MYO5B: variants seen among roughly 807,000 people sequenced by gnomAD.
MYO5B encodes the protein myosin VB, also known as unconventional myosin-Vb.
Under a neutral mutation model 229.3 loss-of-function variants are expected in MYO5B, and 143 were observed. The ratio of observed to expected loss-of-function variants is 0.62; its 90% CI spans 0.54 to 0.72. MYO5B has a LOEUF of 0.72. Ranked by LOEUF, MYO5B falls within the 30% of genes least tolerant of loss-of-function variation. The pLI, the probability that MYO5B is intolerant of heterozygous loss-of-function variation, is 0.00. For missense variants in MYO5B, 2,321 were observed against 2,331.0 expected, an observed-to-expected ratio of 1.00 and a Z score of 0.09; for synonymous variants, 918 against 885.2, an observed-to-expected ratio of 1.04 and a Z score of -0.66.
At chr18:50,115,479 T>C (rs2031941867) in intron 1 of MYO5B, among the ~76,000 whole-genome samples, 1 of 152,010 alleles carries the variant, frequency 6.6e-6, no homozygotes, top group African/African-American at 2.4e-5. Context: ...GGCCAGGTCT[T>C]GTGCTAGGCT....
In MYO5B at chr18:49,953,375, T is replaced by C. The variant is rs374486131; in HGVS notation, c.1669-32A>G. On this transcript the variant is annotated intron_variant, in intron 13 of 39. Coordinates refer to ENST00000285039, the MANE Select transcript of MYO5B (RefSeq NM_001080467.3). ...CCACAGCAACCAGAGAGAGACACAG[T>C]CGTTAGTGCTTCAGCAGTTTCTCAA... 2,937 of 1,587,986 alleles carry C rather than the reference T, an allele frequency of 1.8e-3. 3 individuals carry two copies. Among genetic ancestry groups the C allele is most frequent in the Non-Finnish European group, 2.4e-3 (2,728 of 1,156,168 alleles).
chr18:50,104,079 T>G (rs970399741), intron 1 of MYO5B, among the ~76,000 whole-genome samples: 16 of 146,640 alleles, frequency 1.1e-4, no homozygotes, highest in African/African-American at 3.8e-4. Context: ...CAGGTGGATC[T>G]CTTGAGCCCA....
intron 6 of MYO5B, among the ~76,000 whole-genome samples, chr18:49,991,325 T>C (rs950184338): frequency 6.6e-6 from 1 of 151,834 alleles, no homozygotes; most frequent in African/African-American, 2.4e-5. Context: ...AATTCTGAGG[T>C]CTCCTTAAAG....
At chr18:49,894,755 C>T (rs891740916) in intron 22 of MYO5B, among the ~76,000 whole-genome samples, 186 bp downstream of exon 22, 2 of 152,244 alleles carry the variant, frequency 1.3e-5, no homozygotes, top group African/African-American at 4.8e-5. Context: ...GAAGCGCAGT[C>T]ATGCTTGTGT....
intron 30 of MYO5B, 45 bp from the exon 31 acceptor site, chr18:49,853,692 C>T (rs745462446): frequency 2.2e-5 from 35 of 1,579,106 alleles, no homozygotes; most frequent in Middle Eastern, 4.1e-4. Flanking sequence ...CAGGCCAGGG[C>T]CCCCATCTGA....
chr18:49,827,186 G>A (rs569519007), intron 39 of MYO5B, among the ~76,000 whole-genome samples: 5 of 152,356 alleles, frequency 3.3e-5, no homozygotes, highest in Admixed American at 6.5e-5. Flanking sequence ...TATAACAATC[G>A]GGAGACTGAT....
intron 1 of MYO5B, among the ~76,000 whole-genome samples, chr18:50,156,616 G>C (rs540504528): frequency 8.5e-5 from 13 of 152,116 alleles, no homozygotes; most frequent in Admixed American, 2.0e-4. Context: ...ACCCAGTCTC[G>C]GGAATGTCTT....
intron 1 of MYO5B, among the ~76,000 whole-genome samples, chr18:50,131,611 T>C (rs1475911122): frequency 6.6e-6 from 1 of 152,214 alleles, no homozygotes; most frequent in Non-Finnish European, 1.5e-5. Flanking sequence ...ATAAGTATTA[T>C]TATTCTTTGA....
At chr18:50,074,021 T>G (rs553326112) in intron 1 of MYO5B, among the ~76,000 whole-genome samples, 2 of 152,060 alleles carry the variant, frequency 1.3e-5, no homozygotes, top group South Asian at 2.1e-4. Context: ...CCACAAACCA[T>G]GTGTATTAGT....
chr18:49,891,670 T>C (rs1163101264), intron 22 of MYO5B, among the ~76,000 whole-genome samples: 1 of 151,958 alleles, frequency 6.6e-6, no homozygotes, highest in Non-Finnish European at 1.5e-5. Flanking sequence ...CACAACCCCC[T>C]CTTGGCTGGT....
intron 4 of MYO5B, among the ~76,000 whole-genome samples, chr18:50,010,926 C>T (rs2026154369): frequency 6.6e-6 from 1 of 152,232 alleles, no homozygotes; most frequent in Non-Finnish European, 1.5e-5. Context: ...GTGAGTCCCT[C>T]ATTCCAAAAC....
intron 4 of MYO5B, among the ~76,000 whole-genome samples, chr18:50,026,981 C>A (rs1320281311): frequency 1.3e-5 from 2 of 152,176 alleles, no homozygotes; most frequent in African/African-American, 4.8e-5. Context: ...AGCCGCCTTG[C>A]TTCCCAGCAT....
At chr18:50,137,115 C>G (rs1350537910) in intron 1 of MYO5B, among the ~76,000 whole-genome samples, 2 of 45,572 alleles carry the variant, frequency 4.4e-5, no homozygotes, top group Non-Finnish European at 1.1e-4. Flanking sequence ...CAAGTGAACA[C>G]AAGTTTCAAG....
intron 1 of MYO5B, among the ~76,000 whole-genome samples, chr18:50,190,714 AAG>A (rs913755170): frequency 6.6e-6 from 1 of 152,216 alleles, no homozygotes; most frequent in Non-Finnish European, 1.5e-5. Context: ...TGGAGGGAAA[AAG>A]AAACTATTTT....
intron 1 of MYO5B, among the ~76,000 whole-genome samples, chr18:50,138,886 G>A (rs1208883144): frequency 3.3e-5 from 5 of 152,222 alleles, no homozygotes; most frequent in African/African-American, 9.6e-5. Context: ...GCAGAGCCCA[G>A]GGTGTTGGGG....
In MYO5B at chr18:50,188,785, T is replaced by TAAAAAA. The variant is rs4042094; in HGVS notation, c.27+5976_27+5981dup. Among the ~76,000 whole-genome samples the TAAAAAA allele has an allele frequency of 9.8e-4, 103 of 105,108 alleles. 2 individuals are homozygous for TAAAAAA. Among genetic ancestry groups the TAAAAAA allele is most frequent in the Non-Finnish European group, 1.3e-3 (70 of 53,906 alleles). 69.0% of individuals were successfully genotyped at this position (105,108 alleles called of 152,430 possible). A position where few individuals can be genotyped will look rare whatever the true frequency, so the allele number is the denominator to read the frequency against. ...CTGGTGACACAGTGAGACTCTGTCATAAAAAAAAAAAAAAAAAAAAAAAAA... is the reference window on the plus strand; with the variant it reads ...CTGGTGACACAGTGAGACTCTGTCATAAAAAAAAAAAAAAAAAAAAAAAAAAAAAAA... On this transcript the variant is annotated intron_variant, in intron 1 of 39. Coordinates refer to ENST00000285039, the MANE Select transcript of MYO5B (RefSeq NM_001080467.3).
intron 7 of MYO5B, among the ~76,000 whole-genome samples, chr18:49,989,108 A>G (rs2025901650): frequency 6.6e-6 from 1 of 152,136 alleles, no homozygotes; most frequent in Non-Finnish European, 1.5e-5. Flanking sequence ...AGGACCCACA[A>G]CTATTTTGCT....
At chr18:50,048,929 C>T (rs909363339) in intron 2 of MYO5B, among the ~76,000 whole-genome samples, 2 of 150,544 alleles carry the variant, frequency 1.3e-5, no homozygotes, top group Non-Finnish European at 2.9e-5. Flanking sequence ...GGCTGAGGCA[C>T]AAGAATTACT....
chr18:49,936,023 C>T (rs2025245483), intron 16 of MYO5B, among the ~76,000 whole-genome samples: 1 of 152,222 alleles, frequency 6.6e-6, no homozygotes, highest in South Asian at 2.1e-4. Context: ...TCCTGACCAC[C>T]ACTATACGGG....
Sources: allele counts gnomAD v4.1 joint callset (sites outside exome capture counted in the v4.1 genomes callset), GRCh38; gene constraint gnomAD v4.1.1; transcripts MANE v1.5; gene names NCBI Gene and HGNC (gene_info 2026-07-23, HGNC 2026-07-21).